The following NALF1 variants were observed in gnomAD, a reference collection of about 807,000 sequenced individuals.
NALF1 encodes the protein family with sequence similarity 155 member A.
A neutral mutation model predicts 48.4 loss-of-function variants in NALF1; 3 were observed. The ratio of observed to expected loss-of-function variants is 0.06; its 90% confidence interval spans 0.03 to 0.16. NALF1 has a LOEUF of 0.16. NALF1 is among the 10% of genes least tolerant of loss of function. NALF1 has a pLI of 1.00. For synonymous variants in NALF1, 262 were observed against 245.7 expected, an observed-to-expected ratio of 1.07 and a Z score of -0.62; for missense variants, 526 against 571.5, an observed-to-expected ratio of 0.92 and a Z score of 0.81.
At chr13:107,343,954 A>T (rs140326525) in intron 1 of NALF1, among the ~76,000 whole-genome samples, 1 of 152,086 alleles carries the variant, frequency 6.6e-6, no homozygotes, top group African/African-American at 2.4e-5. Context: ...ACAAACCGTT[A>T]TCTAGACTAA....
intron 1 of NALF1, among the ~76,000 whole-genome samples, chr13:107,253,173 CTTTTT>C (rs3072801): frequency 0.08 from 11,773 of 146,576 alleles, 852 homozygotes; most frequent in East Asian, 0.34. Context: ...GGACTTCTTT[CTTTTT>C]TTTTTTTTTT....
At chr13:107,484,939 T>C (rs1306721857) in intron 1 of NALF1, among the ~76,000 whole-genome samples, 1 of 152,144 alleles carries the variant, frequency 6.6e-6, no homozygotes, top group Non-Finnish European at 1.5e-5. Context: ...AGAGTATTTG[T>C]CTTTAGGGTA....
chr13:107,389,452 G>T (rs1024619004), intron 1 of NALF1, among the ~76,000 whole-genome samples: 1 of 152,074 alleles, frequency 6.6e-6, no homozygotes, highest in Admixed American at 6.6e-5. Context: ...ATAGATACAG[G>T]GAGAAAACAG....
chr13:107,644,340 A>G (rs1398399683), intron 1 of NALF1, among the ~76,000 whole-genome samples: 2 of 151,878 alleles, frequency 1.3e-5, no homozygotes, highest in Non-Finnish European at 2.9e-5. Flanking sequence ...ACTCAGAAAC[A>G]TACGTCTATT....
In NALF1 at chr13:107,574,684, A is replaced by G. The variant is rs138797166; in HGVS notation, c.915+290998T>C. Among the ~76,000 whole-genome samples the G allele has an allele frequency of 7.2e-3, 1,102 of 152,326 alleles. 8 individuals are homozygous for G. The highest frequency in any genetic ancestry group is 0.028 in the South Asian group (133 of 4,832). On this transcript the variant is annotated intron_variant, in intron 1 of 2. Transcript: ENST00000375915. ...GTTGGTAGCAGATCAAAGTCTTACA[A>G]TCATAAAAGGCTCAAGGGTCCTATT...
intron 1 of NALF1, among the ~76,000 whole-genome samples, chr13:107,661,664 C>T (rs774695221): frequency 1.3e-5 from 2 of 151,678 alleles, no homozygotes; most frequent in Non-Finnish European, 2.9e-5. Flanking sequence ...AACTGAATTA[C>T]CTCCCATCTC....
intron 1 of NALF1, among the ~76,000 whole-genome samples, chr13:107,350,020 C>A (rs551384753): frequency 1.8e-4 from 27 of 152,276 alleles, no homozygotes; most frequent in African/African-American, 6.3e-4. Context: ...AGATCCCTCA[C>A]ATGCGCAGTT....
At chr13:107,211,760 G>A (rs1387426604) in intron 1 of NALF1, among the ~76,000 whole-genome samples, 3 of 152,100 alleles carry the variant, frequency 2.0e-5, no homozygotes, top group African/African-American at 4.8e-5. Context: ...AAATGGAGGC[G>A]CAGCAGTTAA....
chr13:107,858,052 G>A (rs1354202966), intron 1 of NALF1, among the ~76,000 whole-genome samples: 2 of 152,040 alleles, frequency 1.3e-5, no homozygotes, highest in South Asian at 2.1e-4. Flanking sequence ...AGCTCTAAAC[G>A]TGAAATCAGA....
At chr13:107,602,276 G>A (rs1300961222) in intron 1 of NALF1, among the ~76,000 whole-genome samples, 1 of 152,142 alleles carries the variant, frequency 6.6e-6, no homozygotes, top group Non-Finnish European at 1.5e-5. Flanking sequence ...GATCATAAGA[G>A]GGAAGTCTTT....
At chr13:107,346,028 C>T (rs908253566) in intron 1 of NALF1, among the ~76,000 whole-genome samples, 1 of 152,092 alleles carries the variant, frequency 6.6e-6, no homozygotes, top group Non-Finnish European at 1.5e-5. Context: ...TCACTAATCA[C>T]CATGGAAATG....
intron 1 of NALF1, among the ~76,000 whole-genome samples, chr13:107,672,371 C>A (rs184577092): frequency 1.3e-5 from 2 of 152,162 alleles, no homozygotes; most frequent in African/African-American, 4.8e-5. Flanking sequence ...TAGAATGCTG[C>A]GGTTCAGGTC....
chr13:107,354,055 G>C (rs916577646), intron 1 of NALF1, among the ~76,000 whole-genome samples: 2 of 152,152 alleles, frequency 1.3e-5, no homozygotes, highest in Non-Finnish European at 2.9e-5. Context: ...GCAAAAATCA[G>C]AAGCTGAGTC....
At chr13:107,739,614 C>T (rs1385869278) in intron 1 of NALF1, among the ~76,000 whole-genome samples, 2 of 151,892 alleles carry the variant, frequency 1.3e-5, no homozygotes, top group Admixed American at 6.6e-5. Context: ...AATGCCATCC[C>T]GAACATACAA....
chr13:107,408,716 T>G (rs972652194), intron 1 of NALF1, among the ~76,000 whole-genome samples: 2 of 152,136 alleles, frequency 1.3e-5, no homozygotes, highest in African/African-American at 4.8e-5. Context: ...GATCCTTCTA[T>G]GTGCATTCAC....
chr13:107,747,121 A>G (rs183580832), intron 1 of NALF1, among the ~76,000 whole-genome samples: 72 of 152,346 alleles, frequency 4.7e-4, no homozygotes, highest in Non-Finnish European at 8.1e-4. Context: ...GTTATTGAAC[A>G]CAGCCCAGCA....
intron 1 of NALF1, among the ~76,000 whole-genome samples, chr13:107,352,259 T>C (rs1882891132): frequency 6.6e-6 from 1 of 152,102 alleles, no homozygotes; most frequent in Non-Finnish European, 1.5e-5. Context: ...AGGAGTATAA[T>C]GAGGTGTGTC....
intron 1 of NALF1, among the ~76,000 whole-genome samples, chr13:107,477,877 TC>T (rs1172748288): frequency 6.6e-6 from 1 of 152,026 alleles, no homozygotes; most frequent in African/African-American, 2.4e-5. Flanking sequence ...CGAAAAGTAA[TC>T]ATCAAAGAAG....
chr13:107,217,677 C>G (rs1879902781), intron 1 of NALF1, among the ~76,000 whole-genome samples: 1 of 152,092 alleles, frequency 6.6e-6, no homozygotes, highest in Admixed American at 6.5e-5. Flanking sequence ...CATCCGGGTG[C>G]CTCTTCCACG....
Sources: allele counts gnomAD v4.1 joint callset (sites outside exome capture counted in the v4.1 genomes callset), GRCh38; gene constraint gnomAD v4.1.1; transcripts MANE v1.5; gene names NCBI Gene and HGNC (gene_info 2026-07-23, HGNC 2026-07-21).